Variants in ITSN2 observed in about 807,000 individuals in gnomAD.
ITSN2 encodes the protein intersectin 2, also known as intersectin-2.
In ITSN2, 156 loss-of-function variants were observed where a neutral mutation model predicts 243.7. The observed-to-expected ratio is 0.64, with a 90% CI of 0.56 to 0.73. The LOEUF (loss-of-function observed/expected upper bound fraction) is 0.73, where lower values mean the gene tolerates loss of function less well. Among genes scored for constraint, ITSN2 ranks in the 30% least tolerant of loss-of-function variants. The pLI, the probability that ITSN2 is intolerant of heterozygous loss-of-function variation, is 0.00. For missense variants in ITSN2, 1,801 were observed against 1,996.1 expected, an observed-to-expected ratio of 0.90 and a Z score of 1.86; for synonymous variants, 703 against 699.9, an observed-to-expected ratio of 1.00 and a Z score of -0.07.
intron 29 of ITSN2, chr2:24,239,165 C>A (rs1672474541): frequency 6.6e-6 from 1 of 152,556 alleles, no homozygotes; most frequent in Non-Finnish European, 1.5e-5. Flanking sequence ...AATAATGCCA[C>A]TTTAGGCAAA....
chr2:24,235,517 A>T (rs1672064043), intron 29 of ITSN2, among the ~76,000 whole-genome samples: 1 of 152,200 alleles, frequency 6.6e-6, no homozygotes, highest in African/African-American at 2.4e-5. Flanking sequence ...CATCAATTGT[A>T]ACAAATGTAC....
chr2:24,341,132 G>C (rs1260866173), intron 1 of ITSN2, among the ~76,000 whole-genome samples: 1 of 152,168 alleles, frequency 6.6e-6, no homozygotes, highest in Non-Finnish European at 1.5e-5. Flanking sequence ...GGTGACTGTA[G>C]AGCAGTAATA....
intron 1 of ITSN2, among the ~76,000 whole-genome samples, chr2:24,359,659 A>C (rs1688769831): frequency 6.6e-6 from 1 of 151,972 alleles, no homozygotes; most frequent in African/African-American, 2.4e-5. Flanking sequence ...TACACAAATA[A>C]ACTTTATCTG....
rs375559238 is a variant in ITSN2, at chr2:24,229,346, T to C, written c.3578-8280A>G. Among the ~76,000 whole-genome samples the C allele has an allele frequency of 3.3e-5, 5 of 152,254 alleles. No individual in the cohort carries two copies. The East Asian group carries it at 9.6e-4, about 29-fold the overall frequency. On this transcript the variant is annotated intron_variant, in intron 29 of 39. Transcript: ENST00000355123. ...ACTCACGCCTGTAATCCCAGCACTT[T>C]GGGAGGTCGAGGTGGGCAGATCACT...
intron 4 of ITSN2, 86 bp from the exon 5 acceptor site, chr2:24,312,461 T>A (rs1683369171): frequency 1.1e-6 from 1 of 940,298 alleles, no homozygotes; most frequent in South Asian, 2.3e-5. Flanking sequence ...AAAGTAAAAA[T>A]GATGATATGG....
chr2:24,236,100 A>G (rs1352226534), intron 29 of ITSN2, among the ~76,000 whole-genome samples: 2 of 59,982 alleles, frequency 3.3e-5, no homozygotes, highest in African/African-American at 1.4e-4. Flanking sequence ...AACAACCCAA[A>G]TGTCCACTAA....
intron 1 of ITSN2, among the ~76,000 whole-genome samples, chr2:24,329,154 C>T (rs1274299756): frequency 6.6e-6 from 1 of 152,150 alleles, no homozygotes; most frequent in Non-Finnish European, 1.5e-5. Flanking sequence ...TTGCAAACAA[C>T]CAGAAAAGGA....
chr2:24,247,651 A>G (rs1408225181), intron 27 of ITSN2, among the ~76,000 whole-genome samples: 1 of 152,224 alleles, frequency 6.6e-6, no homozygotes, highest in Non-Finnish European at 1.5e-5. Context: ...TGAAAACAGC[A>G]TCTGAAGAAG....
At chr2:24,227,790 G>A (rs1342138792) in intron 29 of ITSN2, among the ~76,000 whole-genome samples, 2 of 151,998 alleles carry the variant, frequency 1.3e-5, no homozygotes, top group Non-Finnish European at 2.9e-5. Flanking sequence ...ATGGTGGCGG[G>A]TGCCTGTAAT....
chr2:24,223,881 AAAG>A (rs1274374562), intron 29 of ITSN2, among the ~76,000 whole-genome samples: 1 of 150,132 alleles, frequency 6.7e-6, no homozygotes, highest in Admixed American at 6.7e-5. Context: ...GAAAAAAAAG[AAAG>A]AAGAAAAATA....
At chr2:24,259,510 C>T (rs187173334) in intron 22 of ITSN2, among the ~76,000 whole-genome samples, 178 of 152,322 alleles carry the variant, frequency 1.2e-3, no homozygotes, top group African/African-American at 4.1e-3. Context: ...CTTTCCACTA[C>T]CAAGTTGCCT....
rs1305522797 is a variant in ITSN2 at position 24,276,482 on chromosome 2, TTG to T, written c.1945-635_1945-634del. ...AGGCTGACTCCCACGTCTACAGACT[TTG>T]TCTTTAAAGAGTTCACAATCTCAAT... On this transcript the variant is annotated intron_variant, in intron 17 of 39. Transcript: ENST00000355123. 3.9e-5 allele frequency among the ~76,000 whole-genome samples: 6 copies of T among 152,158 alleles called. No individual in the cohort carries two copies. The East Asian group carries it at 1.2e-3, about 29-fold the overall frequency.
chr2:24,348,850 A>G (rs1687787898), intron 1 of ITSN2, among the ~76,000 whole-genome samples: 1 of 152,256 alleles, frequency 6.6e-6, no homozygotes, highest in Non-Finnish European at 1.5e-5. Context: ...GCCAATTTGA[A>G]GTTTTTTAAA....
intron 2 of ITSN2, among the ~76,000 whole-genome samples, chr2:24,319,403 T>C (rs930989543): frequency 3.3e-5 from 5 of 152,208 alleles, no homozygotes; most frequent in Admixed American, 6.5e-5. Flanking sequence ...TGCCTTGGTA[T>C]GGCTCTCCTA....
chr2:24,345,451 A>G (rs1238094047), intron 1 of ITSN2, among the ~76,000 whole-genome samples: 5 of 152,232 alleles, frequency 3.3e-5, no homozygotes, highest in Non-Finnish European at 7.3e-5. Flanking sequence ...ACGTATATAT[A>G]CCCATATGTA....
intron 10 of ITSN2, among the ~76,000 whole-genome samples, 180 bp downstream of exon 10, chr2:24,301,785 A>G (rs1681779913): frequency 6.6e-6 from 1 of 152,110 alleles, no homozygotes; most frequent in Non-Finnish European, 1.5e-5. Context: ...CTTGGCTCCC[A>G]GTGTTATGAT....
intron 1 of ITSN2, among the ~76,000 whole-genome samples, chr2:24,345,283 T>A (rs1039577206): frequency 1.3e-5 from 2 of 152,188 alleles, no homozygotes; most frequent in Admixed American, 6.5e-5. Context: ...ATTTTTACTG[T>A]ACAAATAATT....
intron 29 of ITSN2, among the ~76,000 whole-genome samples, chr2:24,233,272 T>C (rs1248774815): frequency 6.6e-5 from 10 of 152,220 alleles, no homozygotes; most frequent in Admixed American, 6.5e-4. Context: ...ACATACATAA[T>C]TGGAGACTTT....
In ITSN2 at chr2:24,295,688, G is replaced by T; in HGVS notation, c.1611C>A (p.Ile537=). The part of the protein sequence containing the change: ...DKQCDLEIME[I]KQLQQELQEY... ...CCTGAAGTTCCTGTTGAAGTTGCTT[G>T]ATTTCCATAATTTCCAAGTCACACT... The change falls in exon 14 of 40, where the codon ATC becomes ATA. Residue 537 remains isoleucine, a synonymous_variant. Transcript: ENST00000355123. 1 of 1,544,740 alleles carries T rather than the reference G, an allele frequency of 6.5e-7. No individual in the cohort carries two copies. Among genetic ancestry groups the T allele is most frequent in the Non-Finnish European group, 8.6e-7 (1 of 1,156,318 alleles).
Sources: allele counts gnomAD v4.1 joint callset (sites outside exome capture counted in the v4.1 genomes callset), GRCh38; gene constraint gnomAD v4.1.1; transcripts MANE v1.5; gene names NCBI Gene and HGNC (gene_info 2026-07-23, HGNC 2026-07-21).